The following HASPIN variants were observed in gnomAD, a reference collection of about 807,000 sequenced individuals.
The protein encoded by HASPIN is histone H3 associated protein kinase, also known as serine/threonine-protein kinase haspin.
Under a neutral mutation model 28.8 loss-of-function variants are expected in HASPIN, and 24 were observed. The ratio of observed to expected loss-of-function variants is 0.83; its 90% CI spans 0.60 to 1.17. The LOEUF (loss-of-function observed/expected upper bound fraction) is 1.17, where lower values mean the gene tolerates loss of function less well. Among genes scored for constraint, HASPIN ranks in the 50% most tolerant of loss-of-function variants. The pLI is 0.00. For missense variants in HASPIN, 1,016 were observed against 1,018.5 expected (o/e 1.00, Z 0.03); for synonymous variants, 440 against 413.1 (o/e 1.07, Z -0.79).
In HASPIN at chr17:3,724,535, C is replaced by G; in HGVS notation, c.600C>G (p.Ala200=). 1 of 1,614,082 alleles carries G rather than the reference C, an allele frequency of 6.2e-7. No individual in the cohort carries two copies. Among genetic ancestry groups the G allele is most frequent in the Non-Finnish European group, 8.5e-7 (1 of 1,180,014 alleles). ...GTSACLVAAS[A]VPSGLHLPEV... Reference sequence around the variant, plus strand: ...CCGCCTGTCTGGTTGCAGCCTCAGCCGTCCCGAGCGGCCTCCACCTCCCAG... The same window carrying G: ...CCGCCTGTCTGGTTGCAGCCTCAGCGGTCCCGAGCGGCCTCCACCTCCCAG... The change falls in exon 1 of 1, where the codon GCC becomes GCG. Residue 200 remains alanine, a synonymous_variant. Coordinates refer to ENST00000325418, the MANE Select transcript of HASPIN (RefSeq NM_031965.2).
Position 3,725,114 on chromosome 17 carries a change from G to A in HASPIN, c.1179G>A (p.Lys393=), listed in dbSNP as rs770620570. The A allele has an allele frequency of 6.2e-7, 1 of 1,614,186 alleles. No individual in the cohort carries two copies. Among genetic ancestry groups the A allele is most frequent in the East Asian group, 2.2e-5 (1 of 44,886 alleles). ...KTRASFSFHK[K]KIVTDVSEVC... The stretch of plus-strand genomic sequence containing the variant: ...GGGCTTCCTTCAGTTTCCACAAGAA[G>A]AAAATTGTGACTGATGTGTCAGAGG... The change falls in exon 1 of 1, where the codon AAG becomes AAA. Residue 393 remains lysine (K), a synonymous_variant. Transcript: ENST00000325418.
rs1370988465 is a variant in HASPIN at position 3,725,744 on chromosome 17, G to A, written c.1809G>A (p.Leu603=). 1 of 1,583,472 alleles carries A rather than the reference G, an allele frequency of 6.3e-7. No individual in the cohort carries two copies. The highest frequency in any genetic ancestry group is 1.8e-5 in the Admixed American group (1 of 55,798). Residue 603 remains leucine (L), a synonymous_variant, in exon 1 of 1, where the codon CTG becomes CTA. Transcript: ENST00000325418. ...AAGACGACCAGCTCTTCATTGTGCT[G>A]GAATTTGAGTTTGGAGGGATTGACT... ...FFKDDQLFIV[L]EFEFGGIDLE... is the part of the protein sequence containing the mutation.
chr17:3,725,542 T>C lies in HASPIN; in HGVS notation c.1607T>C (p.Ile536Thr). Reference sequence around the variant, plus strand: ...ACCTTTGAGGAAATCCTGCCAGAGATCATCATCTCCAAAGAGTTGAGCCTC... The same window carrying C: ...ACCTTTGAGGAAATCCTGCCAGAGACCATCATCTCCAAAGAGTTGAGCCTC... The part of the protein sequence containing the change: ...QKTFEEILPE[I>T]IISKELSLLS... The change falls in exon 1 of 1, where the codon ATC becomes ACC. Residue 536 changes from isoleucine (I) to threonine (T), a missense_variant. This residue lies in a region of HASPIN where 881 missense variants were observed against 845.5 expected (regional missense o/e 1.04). Transcript: ENST00000325418. 1.2e-6 allele frequency: 2 copies of C among 1,614,210 alleles called. No individual in the cohort carries two copies. The highest frequency in any genetic ancestry group is 1.7e-6 in the Non-Finnish European group (2 of 1,180,034).
chr17:3,724,787 A>G lies in HASPIN; in HGVS notation c.852A>G (p.Pro284=), dbSNP rs1160498181. 9.9e-6 allele frequency: 16 copies of G among 1,614,214 alleles called. No homozygotes were observed. Among genetic ancestry groups the G allele is most frequent in the Non-Finnish European group, 1.4e-5 (16 of 1,180,034 alleles). ...KLVVGNGPEG[P]GLSSTGKRRA... is the part of the protein sequence containing the mutation. ...TGGTGGGAAATGGACCAGAGGGTCC[A>G]GGTCTGTCAAGCACAGGCAAGAGGA... is the stretch of plus-strand genomic sequence containing the variant. Residue 284 remains proline (P), a synonymous_variant, in exon 1 of 1, where the codon CCA becomes CCG. Coordinates refer to ENST00000325418, the MANE Select transcript of HASPIN (RefSeq NM_031965.2).
Position 3,724,954 on chromosome 17 carries a change from G to T in HASPIN, c.1019G>T (p.Ser340Ile). 6.2e-7 allele frequency: 1 copy of T among 1,613,844 alleles called. No individual in the cohort carries two copies. Among genetic ancestry groups the T allele is most frequent in the Non-Finnish European group, 8.5e-7 (1 of 1,179,860 alleles). The stretch of plus-strand genomic sequence containing the variant: ...GAGAGAACTAGATCAAGCCGGAAGA[G>T]CAAACATCAGGAGGCAACGGAAACC... ...RLERTRSSRK[S>I]KHQEATETSL... is the part of the protein sequence containing the mutation. Residue 340 changes from serine (S) to isoleucine (I), a missense_variant, in exon 1 of 1, where the codon AGC becomes ATC. By Grantham distance (142) the Ser-to-Ile change is moderately radical (BLOSUM62 -2). Coordinates refer to ENST00000325418, the MANE Select transcript of HASPIN (RefSeq NM_031965.2).
At position 3,725,149 on chromosome 17, in the gene HASPIN, T is replaced by C; in HGVS notation, c.1214T>C (p.Ile405Thr). ...IVTDVSEVCSIYTTATSLSGS... is the reference protein window; with the variant it reads ...IVTDVSEVCSTYTTATSLSGS... The stretch of plus-strand genomic sequence containing the variant: ...ACTGATGTGTCAGAGGTCTGCAGCA[T>C]CTATACCACTGCCACTTCTCTCTCT... Residue 405 changes from isoleucine to threonine, a missense_variant, in exon 1 of 1, where the codon ATC becomes ACC. Transcript: ENST00000325418. 2 of 1,614,184 alleles carry C rather than the reference T, an allele frequency of 1.2e-6. No individual in the cohort carries two copies. The highest frequency in any genetic ancestry group is 1.7e-6 in the Non-Finnish European group (2 of 1,180,034).
Position 3,724,709 on chromosome 17 carries a change from G to A in HASPIN, c.774G>A (p.Glu258=), listed in dbSNP as rs1452080866. 1 of 1,614,246 alleles carries A rather than the reference G, an allele frequency of 6.2e-7. No homozygotes were observed. The change falls in exon 1 of 1, where the codon GAG becomes GAA. Residue 258 remains glutamate, a synonymous_variant. Transcript: ENST00000325418. ...ACTCAGGAACCCCTGAGGATTCTGAGTTTCGGGCAGATGGGAAGAATATGA... is the reference window on the plus strand; with the variant it reads ...ACTCAGGAACCCCTGAGGATTCTGAATTTCGGGCAGATGGGAAGAATATGA... The part of the protein sequence containing the change: ...LMNSGTPEDS[E]FRADGKNMRE...
rs2051165672 is a variant in HASPIN at position 3,724,752 on chromosome 17, A to C, written c.817A>C (p.Arg273=). 5.0e-6 allele frequency: 8 copies of C among 1,614,232 alleles called. No homozygotes were observed. In the East Asian group the frequency reaches 1.6e-4, roughly 31 times the overall value. The change falls in exon 1 of 1, where the codon AGG becomes CGG. Residue 273 remains arginine (R), a synonymous_variant. Transcript: ENST00000325418. ...GAATATGAGAGAGTCCTGCTGTAAAAGGAAACTGGTGGTGGGAAATGGACC... is the reference window on the plus strand; with the variant it reads ...GAATATGAGAGAGTCCTGCTGTAAACGGAAACTGGTGGTGGGAAATGGACC... ...GKNMRESCCK[R]KLVVGNGPEG...
Position 3,724,369 on chromosome 17 carries a change from G to C in HASPIN, c.434G>C (p.Arg145Pro), listed in dbSNP as rs55991903. 1.5e-5 allele frequency: 24 copies of C among 1,604,852 alleles called. No homozygotes were observed. The highest frequency in any genetic ancestry group is 1.7e-4 in the Middle Eastern group (1 of 6,048). ...CCCTTCCCCAGCCGCGACTCCGGCCGCCTCAGCCCGGACCTCAGCGTGTGC... is the reference window on the plus strand; with the variant it reads ...CCCTTCCCCAGCCGCGACTCCGGCCCCCTCAGCCCGGACCTCAGCGTGTGC... ...LPPFPSRDSG[R>P]LSPDLSVCGQ... Residue 145 changes from arginine (R) to proline (P), a missense_variant, in exon 1 of 1, where the codon CGC becomes CCC. Around this residue, in one of 3 missense-constraint regions of HASPIN, gnomAD observed 881 missense variants for 845.5 expected, o/e 1.04. Coordinates refer to ENST00000325418, the MANE Select transcript of HASPIN (RefSeq NM_031965.2).
Position 3,726,188 on chromosome 17 carries a change from G to A in HASPIN, c.2253G>A (p.Lys751=). 1 of 1,614,164 alleles carries A rather than the reference G, an allele frequency of 6.2e-7. No individual in the cohort carries two copies. Among genetic ancestry groups the A allele is most frequent in the South Asian group, 1.1e-5 (1 of 91,088 alleles). The change falls in exon 1 of 1, where the codon AAG becomes AAA. Residue 751 remains lysine (K), a synonymous_variant. Coordinates refer to ENST00000325418, the MANE Select transcript of HASPIN (RefSeq NM_031965.2). ...NVLWLHYLTD[K]MLKQMTFKTK... ...TCTGGTTACATTACCTGACAGACAA[G>A]ATGCTGAAACAAATGACCTTCAAGA... is the stretch of plus-strand genomic sequence containing the variant.
chr17:3,726,321 C>A lies in HASPIN; in HGVS notation c.2386C>A (p.Leu796Met). 6.2e-7 allele frequency: 1 copy of A among 1,609,278 alleles called. No individual in the cohort carries two copies. The highest frequency in any genetic ancestry group is 8.5e-7 in the Non-Finnish European group (1 of 1,176,666). Reference sequence around the variant, plus strand: ...CACTGACTTGCTCTGCCAGCACAGTCTGTTTAAGTAAGCTAAATGTATCTT... The same window carrying A: ...CACTGACTTGCTCTGCCAGCACAGTATGTTTAAGTAAGCTAAATGTATCTT... ...SATDLLCQHS[L>M]FK Residue 796 changes from leucine (L) to methionine (M), a missense_variant, in exon 1 of 1, where the codon CTG becomes ATG. By Grantham distance (15) the Leu-to-Met change is conservative. Transcript: ENST00000325418.
chr17:3,725,043 C>A lies in HASPIN; in HGVS notation c.1108C>A (p.Gln370Lys). ...QKLGKDSFPT[Q>K]DLTPLQNVCF... ...GCTGGGAAAAGATTCGTTCCCCACC[C>A]AGGACCTGACTCCTTTACAGAATGT... The change falls in exon 1 of 1, where the codon CAG becomes AAG. Residue 370 changes from glutamine (Q) to lysine (K), a missense_variant. Transcript: ENST00000325418. 1 of 1,614,242 alleles carries A rather than the reference C, an allele frequency of 6.2e-7. No individual in the cohort carries two copies. Among genetic ancestry groups the A allele is most frequent in the South Asian group, 1.1e-5 (1 of 91,090 alleles).
In HASPIN at chr17:3,725,224, G is replaced by C. The variant is rs769811678; in HGVS notation, c.1289G>C (p.Ser430Thr). 6.2e-7 allele frequency: 1 copy of C among 1,614,082 alleles called. No homozygotes were observed. Among genetic ancestry groups the C allele is most frequent in the Non-Finnish European group, 8.5e-7 (1 of 1,180,040 alleles). The change falls in exon 1 of 1, where the codon AGT becomes ACT. Residue 430 changes from serine (S) to threonine (T), a missense_variant. Transcript: ENST00000325418. ...AACCGGCCTGTCATGAACAGAACAA[G>C]TGGTGCTCCGTCCTCTTGGCACTCC... ...CSNRPVMNRT[S>T]GAPSSWHSSS... is the part of the protein sequence containing the mutation.
In HASPIN at chr17:3,723,953, G is replaced by A. The variant is rs769748302; in HGVS notation, c.18G>A (p.Pro6=). 7 of 1,561,598 alleles carry A rather than the reference G, an allele frequency of 4.5e-6. No individual in the cohort carries two copies. Among genetic ancestry groups the A allele is most frequent in the South Asian group, 2.3e-5 (2 of 86,896 alleles). Residue 6 remains proline (P), a synonymous_variant, in exon 1 of 1, where the codon CCG becomes CCA. Transcript: ENST00000325418. ...TGCCGGCCATGGCGGCTTCGCTCCC[G>A]GGACCTGGGAGCCGGCTTTTCCGCA... MAASL[P]GPGSRLFRTY...
At position 3,725,283 on chromosome 17, in the gene HASPIN, C is replaced by T. The variant is rs529354173; in HGVS notation, c.1348C>T (p.Leu450=). The T allele has an allele frequency of 1.1e-5, 18 of 1,614,208 alleles. 1 individual carries two copies. In the South Asian group the frequency reaches 2.0e-4, roughly 18 times the overall value. ...GTATTTGCTAAGCCCCTTAAACACT[C>T]TAAGTATTTCAAACAAAAAGGCATC... ...SMYLLSPLNT[L]SISNKKASDA... The change falls in exon 1 of 1, where the codon CTA becomes TTA. Residue 450 remains leucine (L), a synonymous_variant. Coordinates refer to ENST00000325418, the MANE Select transcript of HASPIN (RefSeq NM_031965.2).
chr17:3,726,413 G>A lies in HASPIN; in HGVS notation c.*81G>A, dbSNP rs1459292388. 2 of 930,470 alleles carry A rather than the reference G, an allele frequency of 2.1e-6. No individual in the cohort carries two copies. Among genetic ancestry groups the A allele is most frequent in the Admixed American group, 2.4e-5 (1 of 42,276 alleles). 57.6% of individuals were successfully genotyped at this position (930,470 alleles called of 1,614,324 possible). On this transcript the variant is annotated 3_prime_UTR_variant, in exon 1 of 1. Coordinates refer to ENST00000325418, the MANE Select transcript of HASPIN (RefSeq NM_031965.2). ...TGCTGTTTCAACCTCCATCCCCACAGGAGGGTGGAACTCCCATTCTCACAG... is the reference window on the plus strand; with the variant it reads ...TGCTGTTTCAACCTCCATCCCCACAAGAGGGTGGAACTCCCATTCTCACAG...
At position 3,723,924 on chromosome 17, in the gene HASPIN, C is replaced by T. The variant is rs986285929; in HGVS notation, c.-12C>T. 2.2e-5 allele frequency: 34 copies of T among 1,542,302 alleles called. No homozygotes were observed. The highest frequency in any genetic ancestry group is 5.6e-5 in the African/African-American group (4 of 72,018). On this transcript the variant is annotated 5_prime_UTR_variant, in exon 1 of 1. Coordinates refer to ENST00000325418, the MANE Select transcript of HASPIN (RefSeq NM_031965.2). ...CGATGTTTGCGTTTGAACCTCTTGG[C>T]GGGTGCCGGCCATGGCGGCTTCGCT... is the stretch of plus-strand genomic sequence containing the variant.
Position 3,725,178 on chromosome 17 carries a change from T to G in HASPIN, c.1243T>G (p.Ser415Ala), listed in dbSNP as rs138520880. ...IYTTATSLSG[S>A]LLSECSNRPV... Reference sequence around the variant, plus strand: ...TACCACTGCCACTTCTCTCTCTGGATCCCTCCTATCAGAATGTTCAAACCG... The same window carrying G: ...TACCACTGCCACTTCTCTCTCTGGAGCCCTCCTATCAGAATGTTCAAACCG... The change falls in exon 1 of 1, where the codon TCC (serine) becomes GCC (alanine). Residue 415 changes from serine (S) to alanine (A), a missense_variant. This residue lies in a region of HASPIN where 881 missense variants were observed against 845.5 expected (regional missense o/e 1.04). Coordinates refer to ENST00000325418, the MANE Select transcript of HASPIN (RefSeq NM_031965.2). The G allele has an allele frequency of 4.3e-6, 7 of 1,614,170 alleles. No homozygotes were observed. In the East Asian group the frequency reaches 1.6e-4, roughly 36 times the overall value.
At position 3,725,448 on chromosome 17, in the gene HASPIN, C is replaced by T. The variant is rs770982021; in HGVS notation, c.1513C>T (p.His505Tyr). 2 of 1,614,186 alleles carry T rather than the reference C, an allele frequency of 1.2e-6. No individual in the cohort carries two copies. Among genetic ancestry groups the T allele is most frequent in the Non-Finnish European group, 1.7e-6 (2 of 1,180,026 alleles). The change falls in exon 1 of 1, where the codon CAC (histidine) becomes TAC (tyrosine). Residue 505 changes from histidine to tyrosine, a missense_variant. Physicochemically the swap from His to Tyr is moderately conservative, Grantham distance 83. Transcript: ENST00000325418. ...CGAAGTGTTTCAAACAATTGCTGAT[C>T]ACACACCCGTAGCCATAAAAATCAT... ...FGEVFQTIAD[H>Y]TPVAIKIIAI... is the part of the protein sequence containing the mutation.
Sources: allele counts gnomAD v4.1 joint callset, GRCh38; gene constraint gnomAD v4.1.1; regional missense constraint gnomAD v4.1.1; transcripts MANE v1.5; gene names NCBI Gene and HGNC (gene_info 2026-07-23, HGNC 2026-07-21).